Variants in FHIT observed in about 807,000 individuals in gnomAD.
FHIT encodes the protein bis(5'-adenosyl)-triphosphatase.
Under a neutral mutation model 17.9 loss-of-function variants are expected in FHIT, and 19 were observed. The ratio of observed to expected loss-of-function variants is 1.06; its 90% CI spans 0.74 to 1.56. The LOEUF (loss-of-function observed/expected upper bound fraction) is 1.56, where lower values mean the gene tolerates loss of function less well. Ranked by LOEUF, FHIT falls within the 40% of genes most tolerant of loss-of-function variation. FHIT has a pLI of 0.00. For synonymous variants in FHIT, 81 were observed against 69.7 expected (o/e 1.16, Z -0.81); for missense variants, 248 against 189.2 (o/e 1.31, Z -1.82).
intron 3 of FHIT, among the ~76,000 whole-genome samples, chr3:60,889,054 T>C (rs1376922956): frequency 2.0e-5 from 3 of 152,222 alleles, no homozygotes; most frequent in East Asian, 1.9e-4. Context: ...CCCCGACTCA[T>C]TCCAATTCCT....
chr3:60,261,420 C>G, intron 5 of FHIT, among the ~76,000 whole-genome samples: 1 of 152,102 alleles, frequency 6.6e-6, no homozygotes, highest in South Asian at 2.1e-4. Context: ...TCAAAATACA[C>G]TATAATTATC....
intron 2 of FHIT, among the ~76,000 whole-genome samples, chr3:61,071,617 A>T (rs369899786): frequency 6.6e-6 from 1 of 152,220 alleles, no homozygotes; most frequent in Admixed American, 6.5e-5. Context: ...AATGTACATG[A>T]CATAAAGTTA....
At chr3:60,014,541 G>C (rs1700268629) in intron 5 of FHIT, among the ~76,000 whole-genome samples, 2 of 152,154 alleles carry the variant, frequency 1.3e-5, no homozygotes, top group Non-Finnish European at 2.9e-5. Context: ...AAAGCAACTG[G>C]AATATCTACT....
At chr3:60,910,613 C>T (rs1459728783) in intron 3 of FHIT, among the ~76,000 whole-genome samples, 1 of 152,092 alleles carries the variant, frequency 6.6e-6, no homozygotes, top group Admixed American at 6.5e-5. Flanking sequence ...GGGGTTTCAC[C>T]GTGTTAGCCA....
intron 4 of FHIT, among the ~76,000 whole-genome samples, chr3:60,641,797 G>T (rs2039731579): frequency 6.6e-6 from 1 of 152,120 alleles, no homozygotes; most frequent in Admixed American, 6.6e-5. Context: ...AATCCTGACA[G>T]GACACAGATG....
chr3:60,230,084 C>T (rs1704418570), intron 5 of FHIT, among the ~76,000 whole-genome samples: 2 of 152,244 alleles, frequency 1.3e-5, no homozygotes, highest in South Asian at 4.1e-4. Context: ...ACCGTGGCCA[C>T]TAGCCACATG....
chr3:61,213,908 T>G (rs202040070), intron 1 of FHIT, among the ~76,000 whole-genome samples: 54,053 of 151,664 alleles, frequency 0.36, 9,896 homozygotes, highest in East Asian at 0.51. Flanking sequence ...GAATGACTAC[T>G]GGGTACATAA....
intron 8 of FHIT, among the ~76,000 whole-genome samples, chr3:59,780,533 T>A (rs1408655536): frequency 6.6e-6 from 1 of 152,196 alleles, no homozygotes; most frequent in Non-Finnish European, 1.5e-5. Flanking sequence ...ACTGAATGTG[T>A]GTGCCCCCAC....
intron 4 of FHIT, among the ~76,000 whole-genome samples, chr3:60,746,369 A>G (rs2042356506): frequency 6.6e-6 from 1 of 152,232 alleles, no homozygotes; most frequent in East Asian, 1.9e-4. Flanking sequence ...ACACTGGATG[A>G]ACACATTTAT....
At chr3:60,479,256 C>G (rs534176695) in intron 5 of FHIT, among the ~76,000 whole-genome samples, 1 of 152,220 alleles carries the variant, frequency 6.6e-6, no homozygotes, top group African/African-American at 2.4e-5. Flanking sequence ...TGCAAATATT[C>G]AGAAACAAAG....
intron 8 of FHIT, among the ~76,000 whole-genome samples, chr3:59,863,022 T>C (rs1010597360): frequency 2.6e-5 from 4 of 152,282 alleles, no homozygotes; most frequent in South Asian, 2.1e-4. Context: ...CAGAATGTAA[T>C]AGTATTTAAA....
At chr3:60,441,992 G>A (rs1277246615) in intron 5 of FHIT, among the ~76,000 whole-genome samples, 9 of 149,866 alleles carry the variant, frequency 6.0e-5, no homozygotes, top group Non-Finnish European at 1.5e-5. Flanking sequence ...TCATATACCT[G>A]GGACTACAGG....
At chr3:59,756,744 T>C (rs928550068) in intron 8 of FHIT, among the ~76,000 whole-genome samples, 3 of 152,172 alleles carry the variant, frequency 2.0e-5, no homozygotes, top group Non-Finnish European at 4.4e-5. Flanking sequence ...GAGGGGATCA[T>C]GTGCAGGAAG....
intron 4 of FHIT, among the ~76,000 whole-genome samples, chr3:60,763,090 G>A (rs1359131708): frequency 6.6e-6 from 1 of 152,012 alleles, no homozygotes; most frequent in South Asian, 2.1e-4. Flanking sequence ...TAACTGTGTA[G>A]GTGTCTGTGA....
In FHIT at chr3:60,690,205, T is replaced by C. The variant is rs1222849473; in HGVS notation, c.-18+131714A>G. The stretch of plus-strand genomic sequence containing the variant: ...AGAAGAAATGGTCTGGTGGTTAAGA[T>C]AAAACACAAGTCAAACTTATTAGAG... On this transcript the variant is annotated intron_variant, in intron 4 of 9. Transcript: ENST00000492590. 31 of 490,140 alleles carry C rather than the reference T, an allele frequency of 6.3e-5. No homozygotes were observed. The East Asian group carries it at 1.5e-3, about 23-fold the overall frequency. The allele number at this position is 490,140 out of a possible 1,614,324, so 30.4% of individuals were successfully genotyped here. A position where few individuals can be genotyped will look rare whatever the true frequency, so the allele number is the denominator to read the frequency against.
intron 5 of FHIT, among the ~76,000 whole-genome samples, chr3:60,341,947 G>A (rs1484749870): frequency 2.0e-5 from 3 of 152,204 alleles, no homozygotes; most frequent in Non-Finnish European, 2.9e-5. Context: ...GATTAGAAAC[G>A]TGGACACATT....
intron 5 of FHIT, among the ~76,000 whole-genome samples, chr3:60,138,858 C>T (rs1490283768): frequency 6.6e-6 from 1 of 152,058 alleles, no homozygotes; most frequent in Non-Finnish European, 1.5e-5. Context: ...TAGAAGTAGA[C>T]TGTCTGAATT....
chr3:60,712,658 C>A (rs2041569826), intron 4 of FHIT, among the ~76,000 whole-genome samples: 2 of 151,850 alleles, frequency 1.3e-5, no homozygotes, highest in African/African-American at 4.8e-5. Context: ...TTTAAACCAA[C>A]AAAGATCAAA....
chr3:60,131,341 GT>G (rs147819051), intron 5 of FHIT, among the ~76,000 whole-genome samples: 10,915 of 151,520 alleles, frequency 0.072, 582 homozygotes, highest in Non-Finnish European at 0.11. Flanking sequence ...ACTTTTTATG[GT>G]TTTTTTCCCA....
Sources: gnomAD v4.1 joint callset for allele counts (sites outside exome capture counted in the v4.1 genomes callset) on GRCh38, gnomAD v4.1.1 for gene constraint, MANE v1.5 for transcripts, NCBI Gene and HGNC (gene_info 2026-07-23, HGNC 2026-07-21) for gene names.